Variants in FGGY observed in about 807,000 individuals in gnomAD.
FGGY encodes FGGY carbohydrate kinase domain-containing protein.
FGGY carries 72 observed loss-of-function variants against 71.3 expected under a neutral mutation model. That is an observed-to-expected ratio of 1.01 (90% confidence interval 0.84 to 1.23). FGGY has a LOEUF of 1.23. Among genes scored for constraint, FGGY ranks in the 50% most tolerant of loss-of-function variants. The pLI is 0.00. For missense variants in FGGY, 668 were observed against 682.3 expected (o/e 0.98, Z 0.23); for synonymous variants, 251 against 250.3 (o/e 1.00, Z -0.02).
At chr1:59,442,444 G>C (rs1436997916) in intron 5 of FGGY, among the ~76,000 whole-genome samples, 1 of 151,684 alleles carries the variant, frequency 6.6e-6, no homozygotes, top group African/African-American at 2.4e-5. Flanking sequence ...TTTTGTTTTT[G>C]TTTTTGTTTT....
At chr1:59,683,529 T>G (rs906368534) in intron 14 of FGGY, among the ~76,000 whole-genome samples, 3 of 152,214 alleles carry the variant, frequency 2.0e-5, no homozygotes, top group African/African-American at 7.2e-5. Context: ...TTACTCCACG[T>G]TACAAGGCCT....
chr1:59,353,766 T>A (rs991400978), intron 4 of FGGY, among the ~76,000 whole-genome samples: 2 of 152,192 alleles, frequency 1.3e-5, no homozygotes, highest in African/African-American at 4.8e-5. Context: ...AACTTACTCG[T>A]GGTCTCATAC....
chr1:59,631,641 C>G (rs2096909452), intron 10 of FGGY, among the ~76,000 whole-genome samples: 1 of 152,182 alleles, frequency 6.6e-6, no homozygotes, highest in African/African-American at 2.4e-5. Flanking sequence ...ATGCAGGTCA[C>G]CCCTATCTCA....
intron 11 of FGGY, among the ~76,000 whole-genome samples, chr1:59,645,069 G>A (rs1301347016): frequency 6.6e-6 from 1 of 152,122 alleles, no homozygotes; most frequent in Non-Finnish European, 1.5e-5. Flanking sequence ...TATTTTAAAT[G>A]TTTTGTTGAA....
chr1:59,646,870 A>G (rs1039702693), intron 11 of FGGY, among the ~76,000 whole-genome samples: 1 of 152,132 alleles, frequency 6.6e-6, no homozygotes, highest in Non-Finnish European at 1.5e-5. Flanking sequence ...AAAAAACTAG[A>G]TCTTTGTCAT....
At chr1:59,724,200 C>A (rs902920625) in intron 14 of FGGY, among the ~76,000 whole-genome samples, 23 of 145,620 alleles carry the variant, frequency 1.6e-4, no homozygotes, top group African/African-American at 5.9e-4. Context: ...CCGTGTTGGC[C>A]AGGCATGGTG....
At chr1:59,409,435 T>C (rs2063253740) in intron 5 of FGGY, among the ~76,000 whole-genome samples, 1 of 152,012 alleles carries the variant, frequency 6.6e-6, no homozygotes, top group South Asian at 2.1e-4. Context: ...ATTCAAGCCG[T>C]TGAGAAAGGG....
intron 14 of FGGY, among the ~76,000 whole-genome samples, chr1:59,732,936 T>C (rs2098053907): frequency 6.6e-6 from 1 of 151,994 alleles, no homozygotes; most frequent in Non-Finnish European, 1.5e-5. Flanking sequence ...TTCCCCCTGT[T>C]CCCCGTAATT....
chr1:59,423,384 A>C (rs1286055171), intron 5 of FGGY, among the ~76,000 whole-genome samples: 1 of 152,044 alleles, frequency 6.6e-6, no homozygotes, highest in Non-Finnish European at 1.5e-5. Context: ...GCCAACGTGG[A>C]CACCATTCAG....
chr1:59,515,003 C>T (rs2094606762), intron 7 of FGGY, among the ~76,000 whole-genome samples: 1 of 152,140 alleles, frequency 6.6e-6, no homozygotes, highest in Non-Finnish European at 1.5e-5. Flanking sequence ...AAGAGACTTG[C>T]CTTGTCTCTG....
At chr1:59,371,837 A>G (rs1430277377) in intron 4 of FGGY, among the ~76,000 whole-genome samples, 1 of 152,248 alleles carries the variant, frequency 6.6e-6, no homozygotes, top group East Asian at 1.9e-4. Flanking sequence ...GAAGGCAGAA[A>G]TAAAGATGTT....
Position 59,346,446 on chromosome 1 carries a change from C to G in FGGY, c.465+48C>G, listed in dbSNP as rs1485758648. Reference sequence around the variant, plus strand: ...AAGATACCAACAATAGTAGAGGATTCCTGTTACTGTGGACCTGTAGGTACC... The same window carrying G: ...AAGATACCAACAATAGTAGAGGATTGCTGTTACTGTGGACCTGTAGGTACC... On this transcript the variant is annotated intron_variant, in intron 4 of 15. Transcript: ENST00000303721. 4.4e-6 allele frequency: 7 copies of G among 1,596,388 alleles called. No homozygotes were observed. The Admixed American group carries it at 5.1e-5, about 12-fold the overall frequency.
intron 6 of FGGY, among the ~76,000 whole-genome samples, chr1:59,503,659 ATATAAT>A (rs2153613326): frequency 6.8e-6 from 1 of 147,386 alleles, no homozygotes; most frequent in Non-Finnish European, 1.5e-5. Flanking sequence ...CATGATATAG[ATATAAT>A]TAAATGTTAT....
At chr1:59,617,514 G>A (rs2096768174) in intron 9 of FGGY, among the ~76,000 whole-genome samples, 1 of 152,028 alleles carries the variant, frequency 6.6e-6, no homozygotes, top group Non-Finnish European at 1.5e-5. Flanking sequence ...CCCTTCCTAA[G>A]GATGATTGAT....
intron 14 of FGGY, among the ~76,000 whole-genome samples, chr1:59,700,291 C>T (rs34606401): frequency 0.034 from 5,250 of 152,300 alleles, 139 homozygotes; most frequent in South Asian, 0.1. Flanking sequence ...TCATATCTCT[C>T]TGTAAATAAT....
chr1:59,575,865 G>A (rs1039955137), intron 8 of FGGY, among the ~76,000 whole-genome samples: 1 of 152,142 alleles, frequency 6.6e-6, no homozygotes. Context: ...TGGATGGTCA[G>A]TGAAGGCTTC....
At chr1:59,758,936 A>G (rs1013350006) in intron 15 of FGGY, among the ~76,000 whole-genome samples, 3 of 152,160 alleles carry the variant, frequency 2.0e-5, no homozygotes, top group African/African-American at 4.8e-5. Flanking sequence ...ATCTGGTCAG[A>G]TGCAGATCAG....
At chr1:59,377,256 T>TAA (rs2058771072) in intron 4 of FGGY, among the ~76,000 whole-genome samples, 1 of 152,178 alleles carries the variant, frequency 6.6e-6, no homozygotes, top group Non-Finnish European at 1.5e-5. Context: ...AGTCTGGTCT[T>TAA]ACACTGCTAA....
At position 59,456,956 on chromosome 1, in the gene FGGY, C is replaced by G. The variant is rs368077385; in HGVS notation, c.555-5C>G. 93 of 1,606,666 alleles carry G rather than the reference C, an allele frequency of 5.8e-5. No homozygotes were observed. The highest frequency in any genetic ancestry group is 7.8e-5 in the Non-Finnish European group (91 of 1,173,484). ...GTTCTATCTATATCTCTTCTATTTTCTTAGGTCTCTCTGCTCCCTGGTGTG... is the reference window on the plus strand; with the variant it reads ...GTTCTATCTATATCTCTTCTATTTTGTTAGGTCTCTCTGCTCCCTGGTGTG... On this transcript the variant is annotated splice_region_variant and splice_polypyrimidine_tract_variant and intron_variant, in intron 5 of 15. Coordinates refer to ENST00000303721, the MANE Select transcript of FGGY (RefSeq NM_018291.5).
Sources: gnomAD v4.1 joint callset for allele counts (sites outside exome capture counted in the v4.1 genomes callset) on GRCh38, gnomAD v4.1.1 for gene constraint, MANE v1.5 for transcripts, NCBI Gene and HGNC (gene_info 2026-07-23, HGNC 2026-07-21) for gene names.